Variants in SEL1L3 observed in about 807,000 individuals in gnomAD.
SEL1L3 encodes the protein protein sel-1 homolog 3.
SEL1L3 carries 76 observed loss-of-function variants against 142.8 expected under a neutral mutation model. The ratio of observed to expected loss-of-function variants is 0.53; its 90% CI spans 0.44 to 0.64. The LOEUF (loss-of-function observed/expected upper bound fraction) is 0.64, where lower values mean the gene tolerates loss of function less well. Among genes scored for constraint, SEL1L3 ranks in the 30% least tolerant of loss-of-function variants. SEL1L3 has a pLI of 0.00. For synonymous variants in SEL1L3, 504 were observed against 519.6 expected, an observed-to-expected ratio of 0.97 and a Z score of 0.41; for missense variants, 1,262 against 1,381.7, an observed-to-expected ratio of 0.91 and a Z score of 1.37.
At position 25,802,341 on chromosome 4, in the gene SEL1L3, T is replaced by C; in HGVS notation, c.1898A>G (p.Tyr633Cys). The change falls in exon 11 of 24, where the codon TAC becomes TGC. Residue 633 changes from tyrosine (Y) to cysteine (C), a missense_variant. By Grantham distance (194) the Tyr-to-Cys change is radical. Coordinates refer to ENST00000399878, the MANE Select transcript of SEL1L3 (RefSeq NM_015187.5). ...TGTCTTGGTGGCAATGTTGCTGTAG[T>C]AGGCATACGACAGTTCCCAGTCCAG... Reference protein sequence around the residue: ...YPLDWELSYAYYSNIATKTPL... With the variant: ...YPLDWELSYACYSNIATKTPL... 1 of 1,613,856 alleles carries C rather than the reference T, an allele frequency of 6.2e-7. No homozygotes were observed. Among genetic ancestry groups the C allele is most frequent in the Non-Finnish European group, 8.5e-7 (1 of 1,179,840 alleles).
intron 9 of SEL1L3, 119 bp from the exon 10 acceptor site, chr4:25,804,871 GC>G (rs1196549751): frequency 1.4e-6 from 1 of 719,836 alleles, no homozygotes; most frequent in Non-Finnish European, 2.4e-6. Flanking sequence ...GTCCTGCAGT[GC>G]CTCAAAATAT....
At chr4:25,789,477 CG>C (rs1048449396) in intron 12 of SEL1L3, among the ~76,000 whole-genome samples, 31 of 151,084 alleles carry the variant, frequency 2.1e-4, no homozygotes, top group African/African-American at 7.5e-4. Flanking sequence ...TCCAGCTACT[CG>C]GGAGGTTGAG....
intron 1 of SEL1L3, among the ~76,000 whole-genome samples, chr4:25,854,152 A>C (rs1430137356): frequency 2.0e-5 from 3 of 152,246 alleles, no homozygotes; most frequent in African/African-American, 7.2e-5. Flanking sequence ...GGACACTTTG[A>C]AACAGCCATA....
At chr4:25,767,953 G>T in intron 17 of SEL1L3, 123 bp from the exon 18 acceptor site, 2 of 634,436 alleles carry the variant, frequency 3.2e-6, no homozygotes, top group Non-Finnish European at 5.5e-6. Context: ...CCACAAAATC[G>T]TGAGTTTTTT....
intron 6 of SEL1L3, among the ~76,000 whole-genome samples, chr4:25,822,601 T>A (rs1299741643): frequency 6.6e-6 from 1 of 152,102 alleles, no homozygotes; most frequent in Non-Finnish European, 1.5e-5. Flanking sequence ...AAGGTGGCTG[T>A]GGGGGAAAGC....
chr4:25,760,037 C>T (rs1164597458), intron 20 of SEL1L3: 1 of 152,124 alleles, frequency 6.6e-6, no homozygotes, highest in African/African-American at 2.4e-5. Context: ...AGGTACTAAG[C>T]CTAGTACATA....
At chr4:25,737,630 C>T in the SEL1L3 span, among the ~76,000 whole-genome samples, 1 of 152,128 alleles carries the variant, frequency 6.6e-6, no homozygotes, top group African/African-American at 2.4e-5. Context: ...ACATTCAGTC[C>T]ATAACAAAAA....
intron 2 of SEL1L3, among the ~76,000 whole-genome samples, chr4:25,842,045 G>GT (rs1716197431): frequency 6.6e-6 from 1 of 152,144 alleles, no homozygotes; most frequent in East Asian, 1.9e-4. Context: ...GTAAGTGACT[G>GT]TAACTATTGG....
chr4:25,813,971 G>A (rs1443130396), intron 9 of SEL1L3, among the ~76,000 whole-genome samples: 1 of 152,178 alleles, frequency 6.6e-6, no homozygotes, highest in Non-Finnish European at 1.5e-5. Flanking sequence ...CTGAGATAGT[G>A]AGCAGATGAT....
At chr4:25,732,016 G>A in the SEL1L3 span, among the ~76,000 whole-genome samples, 2 of 152,104 alleles carry the variant, frequency 1.3e-5, no homozygotes, top group Admixed American at 6.5e-5. Context: ...GGAGGTTGCA[G>A]TGATCGGAAA....
chr4:25,740,197 G>C, the SEL1L3 span, among the ~76,000 whole-genome samples: 2 of 151,748 alleles, frequency 1.3e-5, no homozygotes, highest in African/African-American at 2.4e-5. Flanking sequence ...ACTTTGGGAG[G>C]CTGAGGCGGG....
intron 14 of SEL1L3, among the ~76,000 whole-genome samples, chr4:25,783,511 T>C (rs780670456): frequency 1.3e-5 from 2 of 152,264 alleles, no homozygotes; most frequent in Non-Finnish European, 2.9e-5. Context: ...AGGTGCCTTG[T>C]CTAGGTGTAG....
At chr4:25,828,970 T>C (rs1242631641) in intron 6 of SEL1L3, among the ~76,000 whole-genome samples, 1 of 152,166 alleles carries the variant, frequency 6.6e-6, no homozygotes, top group African/African-American at 2.4e-5. Context: ...ATTTCTGATC[T>C]TTACACTTAT....
At chr4:25,831,393 G>A (rs73117332) in intron 5 of SEL1L3, among the ~76,000 whole-genome samples, 1 of 151,364 alleles carries the variant, frequency 6.6e-6, no homozygotes, top group African/African-American at 2.4e-5. Context: ...TGTCCAACCA[G>A]AGAAATCTTC....
At position 25,820,053 on chromosome 4, in the gene SEL1L3, T is replaced by A. The variant is rs1330316050; in HGVS notation, c.1291-113A>T. 3.1e-6 allele frequency: 3 copies of A among 972,358 alleles called. No homozygotes were observed. In the African/African-American group the frequency reaches 4.9e-5, roughly 16 times the overall value. The allele number at this position is 972,358 out of a possible 1,614,324, so 60.2% of individuals were successfully genotyped here. On this transcript the variant is annotated intron_variant, in intron 7 of 23. Coordinates refer to ENST00000399878, the MANE Select transcript of SEL1L3 (RefSeq NM_015187.5). ...TCTCCCATTGACATCTCCAGGTGGC[T>A]CGTTTGTACACATATCATCCACTCT...
intron 3 of SEL1L3, 143 bp from the exon 4 acceptor site, chr4:25,833,712 G>C: frequency 1.5e-6 from 1 of 661,380 alleles, no homozygotes; most frequent in Non-Finnish European, 2.4e-6. Context: ...AGATCAGCTT[G>C]CAAAGCTTGA....
the SEL1L3 span, among the ~76,000 whole-genome samples, chr4:25,738,943 C>T: frequency 9.9e-5 from 15 of 152,070 alleles, no homozygotes; most frequent in Admixed American, 2.0e-4. Flanking sequence ...CAGTGGCTCA[C>T]GCCTGTAATC....
chr4:25,771,858 C>T (rs1240329971), intron 17 of SEL1L3, among the ~76,000 whole-genome samples: 3 of 152,248 alleles, frequency 2.0e-5, no homozygotes. Context: ...AGGACAGCCT[C>T]AGGCATGACA....
At chr4:25,777,946 TG>T (rs1719747424) in intron 16 of SEL1L3, 1 of 431,274 alleles carries the variant, frequency 2.3e-6, no homozygotes, top group South Asian at 1.7e-5. Flanking sequence ...ATATAGTCTC[TG>T]TTGCATATTC....
Sources: gnomAD v4.1 joint callset for allele counts (sites outside exome capture counted in the v4.1 genomes callset) on GRCh38, gnomAD v4.1.1 for gene constraint, MANE v1.5 for transcripts, NCBI Gene and HGNC (gene_info 2026-07-23, HGNC 2026-07-21) for gene names.